The following CHTOP variants were observed in gnomAD, a reference collection of about 807,000 sequenced individuals.
CHTOP encodes chromatin target of PRMT1 protein.
A neutral mutation model predicts 33.6 loss-of-function variants in CHTOP; 18 were observed. The ratio of observed to expected loss-of-function variants is 0.54; its 90% confidence interval spans 0.37 to 0.80. CHTOP has a LOEUF of 0.80. CHTOP is among the 30% of genes least tolerant of loss of function. The probability of loss-of-function intolerance (pLI) is 0.00; values close to 1 mark genes in which losing one functional copy is unlikely to be tolerated. For missense variants in CHTOP, 263 were observed against 336.8 expected, an observed-to-expected ratio of 0.78 and a Z score of 1.71; for synonymous variants, 117 against 127.7, an observed-to-expected ratio of 0.92 and a Z score of 0.56.
rs1007243255 is a variant in CHTOP at position 153,645,291 on chromosome 1, G to A, written c.*22G>A. The A allele has an allele frequency of 2.5e-6, 4 of 1,611,456 alleles. No individual in the cohort carries two copies. Among genetic ancestry groups the A allele is most frequent in the African/African-American group, 1.3e-5 (1 of 74,842 alleles). ...TTGAAGCCTGCCCATCCTCCCATGA[G>A]AGACTCTTGTTAGTCAACACATCTG... On this transcript the variant is annotated 3_prime_UTR_variant, in exon 6 of 6. Coordinates refer to ENST00000368694, the MANE Select transcript of CHTOP (RefSeq NM_015607.4).
In CHTOP at chr1:153,643,300, T is replaced by G; in HGVS notation, c.477T>G (p.Arg159=). The G allele has an allele frequency of 6.2e-7, 1 of 1,613,756 alleles. No homozygotes were observed. The change falls in exon 5 of 6, where the codon CGT becomes CGG. Residue 159 remains arginine, a synonymous_variant. Coordinates refer to ENST00000368694, the MANE Select transcript of CHTOP (RefSeq NM_015607.4). ...MGLRRGGVRG[R]GGPGRGGLGR... Reference sequence around the variant, plus strand: ...TAAGAAGAGGTGGTGTTCGAGGTCGTGGAGGTCCTGGGAGAGGGGGCCTAG... The same window carrying G: ...TAAGAAGAGGTGGTGTTCGAGGTCGGGGAGGTCCTGGGAGAGGGGGCCTAG...
At chr1:153,645,033 TC>T in intron 5 of CHTOP, 30 bp from the exon 6 acceptor site, 2 of 1,530,174 alleles carry the variant, frequency 1.3e-6, no homozygotes, top group South Asian at 1.1e-5. Flanking sequence ...TGTAACTGTC[TC>T]TTTTTTTTTT....
At chr1:153,637,931 T>C (rs1668468384) in intron 2 of CHTOP, 1 of 225,684 alleles carries the variant, frequency 4.4e-6, no homozygotes. Flanking sequence ...GGCCTTAGAA[T>C]GCACCTCGGA....
rs1668763093 is a variant in CHTOP, at chr1:153,645,099, G to A, written c.577G>A (p.Gly193Arg). The A allele has an allele frequency of 6.2e-7, 1 of 1,613,262 alleles. No individual in the cohort carries two copies. Among genetic ancestry groups the A allele is most frequent in the Non-Finnish European group, 8.5e-7 (1 of 1,179,934 alleles). The stretch of plus-strand genomic sequence containing the variant: ...GATAGGTCGGGGAAGAGGGGGCTTT[G>A]GAGGCCGAGGCCGAGGCCGTGGACG... The part of the protein sequence containing the change: ...GMIGRGRGGF[G>R]GRGRGRGRGR... Residue 193 changes from glycine (G) to arginine (R), a missense_variant, in exon 6 of 6, where the codon GGA becomes AGA. Gly to Arg is a moderately radical substitution (Grantham distance 125). This residue lies in a region of CHTOP where 168 missense variants were observed against 179.9 expected (regional missense o/e 0.93). Transcript: ENST00000368694.
intron 5 of CHTOP, 106 bp from the exon 6 acceptor site, chr1:153,644,958 C>A: frequency 1.0e-6 from 1 of 997,036 alleles, no homozygotes; most frequent in Non-Finnish European, 1.5e-6. Flanking sequence ...CCCTGCCCTT[C>A]AGCTTTTCTC....
chr1:153,635,628 C>CT (rs551878300), intron 1 of CHTOP, among the ~76,000 whole-genome samples: 47 of 152,012 alleles, frequency 3.1e-4, no homozygotes, highest in African/African-American at 1.1e-3. Context: ...CAAGACCACC[C>CT]TGGCCAACGT....
At chr1:153,642,515 C>G (rs2101692277) in intron 4 of CHTOP, 86 bp downstream of exon 4, 1 of 1,095,542 alleles carries the variant, frequency 9.1e-7, no homozygotes, top group Non-Finnish European at 1.3e-6. Context: ...TGTTTAACAT[C>G]TTTAAGCCTG....
At chr1:153,638,834 C>G (rs1471394748) in intron 3 of CHTOP, among the ~76,000 whole-genome samples, 1 of 150,898 alleles carries the variant, frequency 6.6e-6, no homozygotes, top group Non-Finnish European at 1.5e-5. Context: ...TAATTTTATT[C>G]TTTTTCCCAT....
In CHTOP at chr1:153,646,290, C is replaced by T. The variant is rs7934; in HGVS notation, c.*1021C>T. On this transcript the variant is annotated 3_prime_UTR_variant, in exon 6 of 6. Transcript: ENST00000368694. ...TGTATTTCTGGTTCATTATAACAAA[C>T]TGTTCGCTTAAATCCACCCAGGACT... is the stretch of plus-strand genomic sequence containing the variant. 0.58 allele frequency: 88,351 copies of T among 151,676 alleles called. 26,102 individuals are homozygous for T. The highest frequency in any genetic ancestry group is 0.7 in the East Asian group (3,604 of 5,148). 9.4% of individuals were successfully genotyped at this position (151,676 alleles called of 1,614,324 possible).
In CHTOP at chr1:153,645,303, A is replaced by C. The variant is rs747907707; in HGVS notation, c.*34A>C. On this transcript the variant is annotated 3_prime_UTR_variant, in exon 6 of 6. Transcript: ENST00000368694. ...CATCCTCCCATGAGAGACTCTTGTTAGTCAACACATCTGTAAATAACCTTG... is the reference window on the plus strand; with the variant it reads ...CATCCTCCCATGAGAGACTCTTGTTCGTCAACACATCTGTAAATAACCTTG... 6.3e-7 allele frequency: 1 copy of C among 1,595,580 alleles called. No individual in the cohort carries two copies. Among genetic ancestry groups the C allele is most frequent in the South Asian group, 1.1e-5 (1 of 90,482 alleles).
chr1:153,641,943 T>G (rs550444581), intron 3 of CHTOP, among the ~76,000 whole-genome samples: 1 of 152,306 alleles, frequency 6.6e-6, no homozygotes, highest in East Asian at 1.9e-4. Flanking sequence ...AAAACTTAAG[T>G]TTCAACTGGC....
chr1:153,641,003 A>G (rs760754062), intron 3 of CHTOP, among the ~76,000 whole-genome samples: 1 of 152,242 alleles, frequency 6.6e-6, no homozygotes, highest in Non-Finnish European at 1.5e-5. Flanking sequence ...AACTGAACGC[A>G]AGAGACTTGT....
intron 1 of CHTOP, among the ~76,000 whole-genome samples, chr1:153,635,076 C>G (rs138794317): frequency 5.3e-4 from 81 of 152,210 alleles, no homozygotes; most frequent in African/African-American, 1.8e-3. Context: ...TCTCGAACTC[C>G]CAACCTCAGG....
At chr1:153,639,649 A>G (rs1466107038) in intron 3 of CHTOP, among the ~76,000 whole-genome samples, 2 of 152,220 alleles carry the variant, frequency 1.3e-5, no homozygotes, top group African/African-American at 4.8e-5. Context: ...TTCCAAGAGT[A>G]AATGGAAGTT....
At chr1:153,636,722 A>G (rs1214808202) in intron 2 of CHTOP, 69 bp downstream of exon 2, 3 of 1,372,152 alleles carry the variant, frequency 2.2e-6, no homozygotes, top group African/African-American at 1.4e-5. Context: ...CTGGGGTCCA[A>G]TGCACAAAGC....
chr1:153,636,614 T>C lies in CHTOP; in HGVS notation c.26T>C (p.Val9Ala), dbSNP rs1457202925. The C allele has an allele frequency of 1.9e-6, 3 of 1,613,786 alleles. No homozygotes were observed. The highest frequency in any genetic ancestry group is 2.5e-6 in the Non-Finnish European group (3 of 1,179,698). Residue 9 changes from valine (V) to alanine (A), a missense_variant, in exon 2 of 6, where the codon GTT (valine) becomes GCT (alanine). This residue lies in a region of CHTOP where 73 missense variants were observed against 108.9 expected (regional missense o/e 0.67). Coordinates refer to ENST00000368694, the MANE Select transcript of CHTOP (RefSeq NM_015607.4). ...ATGGCTGCACAGTCAGCGCCGAAAG[T>C]TGTGCTAAAAAGCACCACCAAGATG... MAAQSAPK[V>A]VLKSTTKMSL...
chr1:153,637,410 C>G (rs28510471), intron 2 of CHTOP: 94,934 of 152,108 alleles, frequency 0.62, 30,501 homozygotes, highest in African/African-American at 0.75. Context: ...AGCACTTTGG[C>G]AGGCTGAGGC....
At chr1:153,637,874 G>A (rs1326698242) in intron 2 of CHTOP, 6 of 180,118 alleles carry the variant, frequency 3.3e-5, no homozygotes, top group African/African-American at 1.2e-4. Context: ...ATGAGAGTAT[G>A]TTCATTGCTG....
At chr1:153,644,120 T>C (rs1289470908) in intron 5 of CHTOP, 1 of 152,210 alleles carries the variant, frequency 6.6e-6, no homozygotes, top group Non-Finnish European at 1.5e-5. Context: ...CCCCTGTGTA[T>C]ATTTGCTTTG....
Sources: gnomAD v4.1 joint callset for allele counts (sites outside exome capture counted in the v4.1 genomes callset) on GRCh38, gnomAD v4.1.1 for gene constraint, gnomAD v4.1.1 regional missense constraint, MANE v1.5 for transcripts, NCBI Gene and HGNC (gene_info 2026-07-23, HGNC 2026-07-21) for gene names.